Variants in CREB5 observed in about 807,000 individuals in gnomAD.
CREB5 encodes the protein cAMP responsive element binding protein 5.
CREB5 carries 19 observed loss-of-function variants against 57.1 expected under a neutral mutation model. The ratio of observed to expected loss-of-function variants is 0.33; its 90% CI spans 0.23 to 0.49. The LOEUF (loss-of-function observed/expected upper bound fraction) is 0.49. Ranked by LOEUF, CREB5 falls within the 20% of genes least tolerant of loss-of-function variation. The pLI is 0.99. For missense variants in CREB5, 579 were observed against 671.6 expected (o/e 0.86, Z 1.52); for synonymous variants, 238 against 238.3 (o/e 1.00, Z 0.01).
At chr7:28,410,159 G>T (rs190382493), upstream of CREB5, 1,931 of 406,772 alleles carry the variant, frequency 4.7e-3, 35 homozygotes, top group African/African-American at 0.037. Context: ...GGGTGGGCGC[G>T]CGCCCGGGGA....
chr7:28,556,232 A>G (rs997986703), intron 4 of CREB5, among the ~76,000 whole-genome samples: 1 of 152,146 alleles, frequency 6.6e-6, no homozygotes, highest in African/African-American at 2.4e-5. Flanking sequence ...GCCAAATTCC[A>G]TCTTCTGTGA....
intron 1 of CREB5, among the ~76,000 whole-genome samples, chr7:28,377,489 T>C (rs958914681): frequency 2.0e-5 from 3 of 152,060 alleles, no homozygotes; most frequent in African/African-American, 4.8e-5. Context: ...TCCTACTAGA[T>C]AGCACTACTA....
intron 7 of CREB5, among the ~76,000 whole-genome samples, chr7:28,797,671 CTGT>C (rs1182081654): frequency 6.6e-6 from 1 of 152,204 alleles, no homozygotes; most frequent in East Asian, 1.9e-4. Context: ...CAGCACGGAA[CTGT>C]TGTTTTTCTG....
chr7:28,720,500 TCA>T (rs1310526360), intron 6 of CREB5, among the ~76,000 whole-genome samples: 1 of 152,128 alleles, frequency 6.6e-6, no homozygotes, highest in African/African-American at 2.4e-5. Flanking sequence ...ACTGAGTAGC[TCA>T]GATCATCCCA....
At chr7:28,463,964 T>G (rs1790454236) in intron 1 of CREB5, among the ~76,000 whole-genome samples, 1 of 152,158 alleles carries the variant, frequency 6.6e-6, no homozygotes, top group Non-Finnish European at 1.5e-5. Context: ...GAAATAGAAG[T>G]AGTGAGAGCT....
At chr7:28,472,251 T>C (rs1790854865) in intron 1 of CREB5, among the ~76,000 whole-genome samples, 1 of 152,198 alleles carries the variant, frequency 6.6e-6, no homozygotes, top group Non-Finnish European at 1.5e-5. Flanking sequence ...AAGTGTCTTC[T>C]GATAGGAGAA....
intron 1 of CREB5, among the ~76,000 whole-genome samples, chr7:28,406,425 G>A (rs1454227683): frequency 6.6e-6 from 1 of 152,198 alleles, no homozygotes; most frequent in Non-Finnish European, 1.5e-5. Flanking sequence ...ACCGCCAATG[G>A]TACCTCGGGG....
chr7:28,690,300 G>T (rs181932019), intron 5 of CREB5, among the ~76,000 whole-genome samples: 225 of 152,288 alleles, frequency 1.5e-3, no homozygotes, highest in African/African-American at 5.0e-3. Context: ...TCTTCCCTCT[G>T]CCCACCAGAC....
At chr7:28,607,275 C>G (rs888156978) in intron 5 of CREB5, among the ~76,000 whole-genome samples, 1 of 152,144 alleles carries the variant, frequency 6.6e-6, no homozygotes, top group Non-Finnish European at 1.5e-5. Flanking sequence ...GTGGATAAAA[C>G]TAACCGAGAA....
intron 5 of CREB5, among the ~76,000 whole-genome samples, chr7:28,682,003 T>A (rs1800619756): frequency 6.6e-6 from 1 of 152,216 alleles, no homozygotes; most frequent in East Asian, 1.9e-4. Flanking sequence ...CCCAAAGGTT[T>A]CCTGATGCCT....
intron 1 of CREB5, among the ~76,000 whole-genome samples, chr7:28,349,178 T>C (rs1186927089): frequency 1.3e-5 from 2 of 152,168 alleles, no homozygotes; most frequent in African/African-American, 4.8e-5. Context: ...TTGATTTTTC[T>C]GTAATTTTGA....
Position 28,412,753 on chromosome 7 carries a change from C to A in CREB5, c.-162C>A, listed in dbSNP as rs1787857817. On this transcript the variant is annotated 5_prime_UTR_variant, in exon 1 of 11. Coordinates refer to ENST00000357727, the MANE Select transcript of CREB5 (RefSeq NM_182898.4). The stretch of plus-strand genomic sequence containing the variant: ...CCAGACCTGTTCTTTTTACTAAAAG[C>A]TAGTTTCACTATCTTCTGGTCTGAA... 4.0e-6 allele frequency: 2 copies of A among 503,986 alleles called. No homozygotes were observed. Among genetic ancestry groups the A allele is most frequent in the South Asian group, 7.9e-5 (1 of 12,662 alleles). The allele number at this position is 503,986 out of a possible 1,614,324, so 31.2% of individuals were successfully genotyped here.
chr7:28,407,132 C>T (rs1048888890), intron 1 of CREB5, among the ~76,000 whole-genome samples: 1 of 151,998 alleles, frequency 6.6e-6, no homozygotes, highest in Non-Finnish European at 1.5e-5. Flanking sequence ...TCACTGCAAC[C>T]TCCGCCTCCC....
chr7:28,816,367 C>T (rs968848410), intron 9 of CREB5, among the ~76,000 whole-genome samples: 4 of 152,184 alleles, frequency 2.6e-5, no homozygotes, highest in African/African-American at 9.7e-5. Flanking sequence ...CCTTATCAAT[C>T]ACATTCATTT....
At chr7:28,498,834 G>T (rs1274680508) in intron 3 of CREB5, among the ~76,000 whole-genome samples, 1 of 152,148 alleles carries the variant, frequency 6.6e-6, no homozygotes, top group Non-Finnish European at 1.5e-5. Flanking sequence ...GAGCCCTAAT[G>T]TGATGATAGA....
At chr7:28,806,354 A>C (rs1260405087) in intron 8 of CREB5, among the ~76,000 whole-genome samples, 5 of 152,226 alleles carry the variant, frequency 3.3e-5, no homozygotes, top group Non-Finnish European at 7.3e-5. Flanking sequence ...CAGTATCCCA[A>C]AATACCACTC....
chr7:28,599,597 T>A (rs546677850), intron 5 of CREB5, among the ~76,000 whole-genome samples: 2 of 152,182 alleles, frequency 1.3e-5, no homozygotes, highest in Admixed American at 1.3e-4. Context: ...CCGGAAACCA[T>A]GCGCCCCTAT....
intron 4 of CREB5, among the ~76,000 whole-genome samples, chr7:28,560,287 A>G (rs747266452): frequency 1.3e-5 from 2 of 152,152 alleles, no homozygotes; most frequent in Non-Finnish European, 2.9e-5. Context: ...ATTTGAAGTC[A>G]CTAGTTGCGT....
chr7:28,503,155 G>A (rs184273), intron 3 of CREB5, among the ~76,000 whole-genome samples: 75,391 of 151,970 alleles, frequency 0.5, 19,150 homozygotes, highest in South Asian at 0.6. Context: ...TTCCTAATTC[G>A]TAAGGCCAAG....
Sources: gnomAD v4.1 joint callset for allele counts (sites outside exome capture counted in the v4.1 genomes callset) on GRCh38, gnomAD v4.1.1 for gene constraint, MANE v1.5 for transcripts, NCBI Gene and HGNC (gene_info 2026-07-23, HGNC 2026-07-21) for gene names.